The following CSMD2 variants were observed in gnomAD, a reference collection of about 807,000 sequenced individuals.
CSMD2 encodes CUB and Sushi multiple domains 2.
CSMD2 carries 130 observed loss-of-function variants against 398.5 expected under a neutral mutation model. The observed-to-expected ratio is 0.33, with a 90% CI of 0.28 to 0.38. CSMD2 has a LOEUF of 0.38. Among genes scored for constraint, CSMD2 ranks in the 10% least tolerant of loss-of-function variants. The pLI is 1.00. For synonymous variants in CSMD2, 1,828 were observed against 1,908.5 expected (o/e 0.96, Z 1.10); for missense variants, 3,829 against 4,764.9 (o/e 0.80, Z 5.78).
intron 5 of CSMD2, among the ~76,000 whole-genome samples, chr1:33,848,057 A>G (rs1638409832): frequency 1.3e-5 from 2 of 151,952 alleles, no homozygotes; most frequent in South Asian, 4.2e-4. Context: ...TTGATGAGTG[A>G]CTCTTTTGCA....
At chr1:34,003,556 T>A (rs1015640939) in intron 3 of CSMD2, among the ~76,000 whole-genome samples, 4 of 152,298 alleles carry the variant, frequency 2.6e-5, no homozygotes, top group African/African-American at 9.6e-5. Context: ...GGCTAAGCAT[T>A]CCCATGCATT....
intron 3 of CSMD2, among the ~76,000 whole-genome samples, chr1:33,984,574 G>A (rs1005934154): frequency 6.6e-6 from 1 of 152,126 alleles, no homozygotes; most frequent in Non-Finnish European, 1.5e-5. Flanking sequence ...AAGGATTGCA[G>A]GAGTTCCAGA....
intron 5 of CSMD2, among the ~76,000 whole-genome samples, chr1:33,883,319 A>G (rs1319519493): frequency 1.3e-5 from 2 of 152,228 alleles, no homozygotes; most frequent in Non-Finnish European, 1.5e-5. Flanking sequence ...GTAGTTGGGC[A>G]AGTTGCTAAA....
chr1:33,818,623 A>G (rs751066877), intron 9 of CSMD2, among the ~76,000 whole-genome samples: 1 of 152,244 alleles, frequency 6.6e-6, no homozygotes, highest in Non-Finnish European at 1.5e-5. Flanking sequence ...GTAGCTATGT[A>G]GAATCCTTGA....
chr1:33,537,569 C>T lies in CSMD2; in HGVS notation c.9672G>A (p.Arg3224=). Residue 3224 remains arginine, a synonymous_variant, in exon 61 of 71, where the codon AGG becomes AGA. Transcript: ENST00000373381. This position sits in a 1 kb window ranked among gnomAD's most constrained non-coding sequence, Gnocchi z 4.6. ...TGTAGGAGAAGCCTCGGTCCTCTCT[C>T]CTCCCACGGGACGGGACACCAGGAT... The part of the protein sequence containing the change: ...CGDPGVPSRG[R]REDRGFSYRS... 6.2e-7 allele frequency: 1 copy of T among 1,614,130 alleles called. No homozygotes were observed. The highest frequency in any genetic ancestry group is 2.2e-5 in the East Asian group (1 of 44,868).
rs560485747 is a variant in CSMD2, at chr1:33,796,022, T to C, written c.1447-3496A>G. ...GATCTGTATCACAGATATTCAGCTCTATTGATGTAGCATGAACATAGCCAT... is the reference window on the plus strand; with the variant it reads ...GATCTGTATCACAGATATTCAGCTCCATTGATGTAGCATGAACATAGCCAT... On this transcript the variant is annotated intron_variant, in intron 10 of 70. Transcript: ENST00000373381. Among the ~76,000 whole-genome samples, 4 of 152,382 alleles carry C rather than the reference T, an allele frequency of 2.6e-5. No homozygotes were observed. The East Asian group carries it at 7.7e-4, about 29-fold the overall frequency.
chr1:34,031,089 CTT>C (rs879272380), intron 3 of CSMD2, among the ~76,000 whole-genome samples: 19 of 142,056 alleles, frequency 1.3e-4, no homozygotes, highest in East Asian at 2.0e-4. Flanking sequence ...TTGGTAGGAA[CTT>C]TTTTTTTTTT....
Position 33,537,366 on chromosome 1 carries a change from C to A in CSMD2, c.9805+70G>T, listed in dbSNP as rs2148580907. The stretch of plus-strand genomic sequence containing the variant: ...ACTGAAGACAGGGAAGGAAAGTAAT[C>A]ATCTCAGGCCCAAAAGAAGGTCTCC... On this transcript the variant is annotated intron_variant, in intron 61 of 70. Coordinates refer to ENST00000373381, the MANE Select transcript of CSMD2 (RefSeq NM_001281956.2). This position sits in a 1 kb window ranked among gnomAD's most constrained non-coding sequence, Gnocchi z 4.6. 2 of 1,485,560 alleles carry A rather than the reference C, an allele frequency of 1.3e-6. No individual in the cohort carries two copies. Among genetic ancestry groups the A allele is most frequent in the East Asian group, 2.3e-5 (1 of 44,022 alleles). The allele number at this position is 1,485,560 out of a possible 1,614,324, so 92.0% of individuals were successfully genotyped here. A position where few individuals can be genotyped will look rare whatever the true frequency, so the allele number is the denominator to read the frequency against.
intron 1 of CSMD2, among the ~76,000 whole-genome samples, chr1:34,091,719 T>C (rs745343946): frequency 6.6e-6 from 1 of 152,200 alleles, no homozygotes; most frequent in Non-Finnish European, 1.5e-5. Context: ...CATGTAACCC[T>C]GATTAAAATA....
chr1:33,825,476 C>A (rs1658690502), intron 7 of CSMD2, among the ~76,000 whole-genome samples: 1 of 152,216 alleles, frequency 6.6e-6, no homozygotes, highest in African/African-American at 2.4e-5. Flanking sequence ...AGAAAGAGGA[C>A]AAGGAGGAAA....
At chr1:34,098,153 T>C (rs1214922490) in intron 1 of CSMD2, among the ~76,000 whole-genome samples, 193 of 126,332 alleles carry the variant, frequency 1.5e-3, no homozygotes, top group African/African-American at 5.5e-3. Flanking sequence ...CTCAGTAAAC[T>C]ATCACAAGAA....
chr1:34,018,470 A>G (rs1412036650), intron 3 of CSMD2, among the ~76,000 whole-genome samples: 1 of 152,242 alleles, frequency 6.6e-6, no homozygotes, highest in Non-Finnish European at 1.5e-5. Context: ...ACATACTGTC[A>G]AGCTGGATTT....
chr1:34,037,704 T>C (rs182173866), intron 2 of CSMD2, among the ~76,000 whole-genome samples: 2 of 152,218 alleles, frequency 1.3e-5, no homozygotes, highest in African/African-American at 2.4e-5. Context: ...TAGAGCCTCA[T>C]GGAGGAAGCT....
intron 57 of CSMD2, among the ~76,000 whole-genome samples, chr1:33,545,538 A>G (rs1398462161): frequency 6.6e-6 from 1 of 152,200 alleles, no homozygotes. Context: ...CACATGGCAC[A>G]AGGGAAAGGG....
intron 5 of CSMD2, among the ~76,000 whole-genome samples, chr1:33,883,880 C>CTTAGAAGGAG (rs1641404949): frequency 6.6e-6 from 1 of 152,286 alleles, no homozygotes; most frequent in African/African-American, 2.4e-5. Context: ...TTCAATATAA[C>CTTAGAAGGAG]TTAGAAGGAG....
At position 34,123,324 on chromosome 1, in the gene CSMD2, G is replaced by A. The variant is rs191725758; in HGVS notation, c.188-34131C>T. Among the ~76,000 whole-genome samples, 16 of 152,276 alleles carry A rather than the reference G, an allele frequency of 1.1e-4. 1 individual carries two copies. Among genetic ancestry groups the A allele is most frequent in the Admixed American group, 5.2e-4 (8 of 15,308 alleles). ...GGGGTCCAGAGAGCTTCCAGAGAGC[G>A]GAACACGTGGAGATTCCTGGAGGTT... is the stretch of plus-strand genomic sequence containing the variant. On this transcript the variant is annotated intron_variant, in intron 1 of 70. Transcript: ENST00000373381.
In CSMD2 at chr1:33,636,280, C is replaced by A; in HGVS notation, c.4969+80G>T. On this transcript the variant is annotated intron_variant, in intron 30 of 70. Transcript: ENST00000373381. The surrounding 1 kb of genome is among the most constrained non-coding windows in gnomAD (Gnocchi z 4.8). Reference sequence around the variant, plus strand: ...CGGGCTTGAGGACCTTGCCCCCCTCCCTTCCCCAGCCCACAGCACCCTCTG... The same window carrying A: ...CGGGCTTGAGGACCTTGCCCCCCTCACTTCCCCAGCCCACAGCACCCTCTG... 7.1e-7 allele frequency: 1 copy of A among 1,404,388 alleles called. No individual in the cohort carries two copies. The highest frequency in any genetic ancestry group is 9.6e-7 in the Non-Finnish European group (1 of 1,039,610). The allele number at this position is 1,404,388 out of a possible 1,614,324, so 87.0% of individuals were successfully genotyped here. A position where few individuals can be genotyped will look rare whatever the true frequency, so the allele number is the denominator to read the frequency against.
intron 3 of CSMD2, among the ~76,000 whole-genome samples, chr1:34,024,669 C>G (rs1649390477): frequency 6.6e-6 from 1 of 152,232 alleles, no homozygotes; most frequent in African/African-American, 2.4e-5. Context: ...AGGAAGCACA[C>G]ACCATCCCTC....
chr1:34,018,566 G>A (rs1394363797), intron 3 of CSMD2, among the ~76,000 whole-genome samples: 1 of 152,174 alleles, frequency 6.6e-6, no homozygotes, highest in Non-Finnish European at 1.5e-5. Flanking sequence ...CATACCCACC[G>A]AAGTTCTTCA....
Sources: gnomAD v4.1 joint callset for allele counts (sites outside exome capture counted in the v4.1 genomes callset) on GRCh38, gnomAD v4.1.1 for gene constraint, Gnocchi (gnomAD v3.1) non-coding constraint, MANE v1.5 for transcripts, NCBI Gene and HGNC (gene_info 2026-07-23, HGNC 2026-07-21) for gene names.